HIRA: variants seen among roughly 807,000 people sequenced by gnomAD.
HIRA encodes the protein histone cell cycle regulator.
In HIRA, 13 loss-of-function variants were observed where a neutral mutation model predicts 126.6. That is an observed-to-expected ratio of 0.10 (90% confidence interval 0.07 to 0.16). HIRA has a LOEUF of 0.16. Ranked by LOEUF, HIRA falls within the 10% of genes least tolerant of loss-of-function variation. The probability of loss-of-function intolerance (pLI) is 1.00; values close to 1 mark genes in which losing one functional copy is unlikely to be tolerated. For synonymous variants in HIRA, 511 were observed against 520.0 expected (o/e 0.98, Z 0.24); for missense variants, 834 against 1,314.4 (o/e 0.63, Z 5.65).
chr22:19,341,088 G>A (rs1556007412), intron 24 of HIRA, among the ~76,000 whole-genome samples: 1 of 152,150 alleles, frequency 6.6e-6, no homozygotes, highest in Admixed American at 6.6e-5. Context: ...GGCTAAGGTA[G>A]GCAGATCACT....
At position 19,421,964 on chromosome 22, in the gene HIRA, G is replaced by A. The variant is rs142188087; in HGVS notation, c.37+9476C>T. 2.9e-3 allele frequency among the ~76,000 whole-genome samples: 440 copies of A among 152,158 alleles called. 1 individual carries two copies. The highest frequency in any genetic ancestry group is 0.01 in the African/African-American group (424 of 41,496). On this transcript the variant is annotated intron_variant, in intron 1 of 24. Transcript: ENST00000263208. ...TGGGATTACAGGTGTGAGCCACCAT[G>A]CCCGGCCTGTTCTATCTTATCTCAT... is the stretch of plus-strand genomic sequence containing the variant.
Position 19,399,585 on chromosome 22 carries a change from T to C in HIRA, c.398-1498A>G, listed in dbSNP as rs114143855. ...CTCCAGATTATTACTCTGAGACGCA[T>C]ACCCTAGAGTGGGAATCCTGGGCAG... On this transcript the variant is annotated intron_variant, in intron 5 of 24. Coordinates refer to ENST00000263208, the MANE Select transcript of HIRA (RefSeq NM_003325.4). Among the ~76,000 whole-genome samples, 513 of 152,318 alleles carry C rather than the reference T, an allele frequency of 3.4e-3. 3 individuals are homozygous for C. The highest frequency in any genetic ancestry group is 0.012 in the African/African-American group (500 of 41,558).
At chr22:19,363,100 G>T (rs2088879431) in intron 15 of HIRA, among the ~76,000 whole-genome samples, 1 of 151,548 alleles carries the variant, frequency 6.6e-6, no homozygotes, top group East Asian at 2.0e-4. Context: ...CGGGTGTGGT[G>T]GCGTGTGCCT....
chr22:19,401,851 C>G (rs1327739263), intron 5 of HIRA, among the ~76,000 whole-genome samples: 1 of 152,174 alleles, frequency 6.6e-6, no homozygotes, highest in Non-Finnish European at 1.5e-5. Context: ...ATGGTAGAAT[C>G]CACACTGCTG....
chr22:19,362,619 G>A lies in HIRA; in HGVS notation c.1776-688C>T, dbSNP rs542155345. On this transcript the variant is annotated intron_variant, in intron 15 of 24. Transcript: ENST00000263208. ...CTTCTCGCCCAGCCTGGAATGCAAT[G>A]GTGTGATCTTGGCTCACTGCAACAT... Among the ~76,000 whole-genome samples the A allele has an allele frequency of 2.2e-4, 33 of 151,952 alleles. 1 individual carries two copies. Among genetic ancestry groups the A allele is most frequent in the African/African-American group, 7.7e-4 (32 of 41,436 alleles).
At position 19,345,144 on chromosome 22, in the gene HIRA, AAGG is replaced by A. The variant is rs141440703; in HGVS notation, c.2937+6211_2937+6213del. On this transcript the variant is annotated intron_variant, in intron 24 of 24. Coordinates refer to ENST00000263208, the MANE Select transcript of HIRA (RefSeq NM_003325.4). ...AGAGTCCTAGACAGATCAATTAGGCAAGGAGAAGAAATAAAAGGCAACCAAATT... is the reference window on the plus strand; with the variant it reads ...AGAGTCCTAGACAGATCAATTAGGCAAGAAGAAATAAAAGGCAACCAAATT... 2.5e-3 allele frequency among the ~76,000 whole-genome samples: 387 copies of A among 152,352 alleles called. 7 individuals are homozygous for A. In the East Asian group the frequency reaches 0.067, roughly 27 times the overall value.
chr22:19,423,558 T>G (rs572877005), intron 1 of HIRA, among the ~76,000 whole-genome samples: 32 of 151,744 alleles, frequency 2.1e-4, no homozygotes, highest in Non-Finnish European at 3.8e-4. Context: ...AGTGAATTTA[T>G]CAACTGTTTT....
intron 1 of HIRA, among the ~76,000 whole-genome samples, chr22:19,422,171 T>TACACAC (rs763716204): frequency 0.26 from 36,587 of 142,660 alleles, 5,305 homozygotes; most frequent in South Asian, 0.37. Flanking sequence ...TGTTTATATA[T>TACACAC]ACACACACAC....
At chr22:19,353,217 G>A in intron 23 of HIRA, 139 bp downstream of exon 23, 2 of 1,022,950 alleles carry the variant, frequency 2.0e-6, no homozygotes, top group Non-Finnish European at 2.9e-6. Flanking sequence ...CTGCTGAGCT[G>A]CCTTGACTGC....
chr22:19,394,917 A>C (rs1180392271), intron 7 of HIRA, among the ~76,000 whole-genome samples: 1 of 152,226 alleles, frequency 6.6e-6, no homozygotes, highest in Non-Finnish European at 1.5e-5. Flanking sequence ...ACTCTGGTGG[A>C]GAAAAAGCCC....
chr22:19,375,899 T>C, intron 14 of HIRA, 107 bp from the exon 15 acceptor site: 1 of 1,168,608 alleles, frequency 8.6e-7, no homozygotes, highest in Non-Finnish European at 1.2e-6. Context: ...AATATCAAAC[T>C]TCCATAAACA....
chr22:19,350,529 T>C (rs1166677815), intron 24 of HIRA, among the ~76,000 whole-genome samples: 2 of 152,244 alleles, frequency 1.3e-5, no homozygotes, highest in African/African-American at 4.8e-5. Context: ...TCAAATCTTA[T>C]TGGTTCTGCC....
At chr22:19,371,947 GAT>G (rs1307667850) in intron 15 of HIRA, among the ~76,000 whole-genome samples, 2 of 152,122 alleles carry the variant, frequency 1.3e-5, no homozygotes, top group Middle Eastern at 3.2e-3. Context: ...TTATTGCATG[GAT>G]ATATGTTTTC....
chr22:19,420,087 AAGTGG>A (rs2089432153), intron 1 of HIRA, among the ~76,000 whole-genome samples: 1 of 151,468 alleles, frequency 6.6e-6, no homozygotes, highest in African/African-American at 2.4e-5. Context: ...CCACAAACTA[AAGTGG>A]AAAAGTGTCA....
intron 15 of HIRA, among the ~76,000 whole-genome samples, chr22:19,363,957 A>G (rs2088889413): frequency 1.3e-5 from 2 of 152,224 alleles, no homozygotes; most frequent in South Asian, 4.1e-4. Context: ...ATATGTCATT[A>G]TACATTGGTT....
In HIRA at chr22:19,337,185, G is replaced by C. The variant is rs544273280; in HGVS notation, c.2938-5629C>G. Among the ~76,000 whole-genome samples, 5 of 151,724 alleles carry C rather than the reference G, an allele frequency of 3.3e-5. No homozygotes were observed. In the South Asian group the frequency reaches 1.0e-3, roughly 32 times the overall value. On this transcript the variant is annotated intron_variant, in intron 24 of 24. Coordinates refer to ENST00000263208, the MANE Select transcript of HIRA (RefSeq NM_003325.4). ...GATCTCTGAATTGCCAAAGAATTCAGAAGGCTGATTATTAAGCTACTCAAG... is the reference window on the plus strand; with the variant it reads ...GATCTCTGAATTGCCAAAGAATTCACAAGGCTGATTATTAAGCTACTCAAG...
intron 1 of HIRA, among the ~76,000 whole-genome samples, chr22:19,413,129 GAA>G (rs1230633841): frequency 6.6e-6 from 1 of 152,216 alleles, no homozygotes; most frequent in African/African-American, 2.4e-5. Context: ...GTGTGAGAAA[GAA>G]GAGGAGACAG....
At chr22:19,389,982 T>A (rs1242347161) in intron 9 of HIRA, among the ~76,000 whole-genome samples, 1 of 149,534 alleles carries the variant, frequency 6.7e-6, no homozygotes, top group Admixed American at 6.8e-5. Flanking sequence ...ATAGGGACAC[T>A]TTTTTACAAA....
chr22:19,338,036 C>T (rs1213767463), intron 24 of HIRA, among the ~76,000 whole-genome samples: 1 of 152,148 alleles, frequency 6.6e-6, no homozygotes, highest in East Asian at 1.9e-4. Flanking sequence ...AAATGATCCA[C>T]CCACCTTGGC....
Sources: gnomAD v4.1 joint callset for allele counts (sites outside exome capture counted in the v4.1 genomes callset) on GRCh38, gnomAD v4.1.1 for gene constraint, MANE v1.5 for transcripts, NCBI Gene and HGNC (gene_info 2026-07-23, HGNC 2026-07-21) for gene names.